NRXN1: variants seen among roughly 807,000 people sequenced by gnomAD.
The protein encoded by NRXN1 is neurexin-1.
A neutral mutation model predicts 150.9 loss-of-function variants in NRXN1; 39 were observed. That is an observed-to-expected ratio of 0.26 (90% CI 0.20 to 0.34). The LOEUF (loss-of-function observed/expected upper bound fraction) is 0.34, where lower values mean the gene tolerates loss of function less well. Among genes scored for constraint, NRXN1 ranks in the 10% least tolerant of loss-of-function variants. The pLI is 1.00. For missense variants in NRXN1, 1,815 were observed against 1,949.9 expected (o/e 0.93, Z 1.30); for synonymous variants, 924 against 757.0 (o/e 1.22, Z -3.62).
At chr2:50,585,876 T>A (rs1395010877) in intron 8 of NRXN1, among the ~76,000 whole-genome samples, 1 of 152,196 alleles carries the variant, frequency 6.6e-6, no homozygotes, top group Non-Finnish European at 1.5e-5. Flanking sequence ...ACTTGAGAAG[T>A]GCCAGCCTCC....
chr2:50,197,001 C>T (rs1170634119), intron 18 of NRXN1, among the ~76,000 whole-genome samples: 1 of 152,068 alleles, frequency 6.6e-6, no homozygotes, highest in Non-Finnish European at 1.5e-5. Flanking sequence ...TCCAAGAAAC[C>T]CCCATGGCTT....
chr2:50,111,138 G>C (rs1407028562), intron 18 of NRXN1, among the ~76,000 whole-genome samples: 2 of 152,238 alleles, frequency 1.3e-5, no homozygotes, highest in Admixed American at 6.5e-5. Flanking sequence ...CGAAAGAAAT[G>C]ATAATTTGCC....
intron 18 of NRXN1, among the ~76,000 whole-genome samples, chr2:50,096,322 T>C (rs1170821860): frequency 6.6e-6 from 1 of 152,202 alleles, no homozygotes; most frequent in Non-Finnish European, 1.5e-5. Context: ...GTATTTACTA[T>C]TTAATTCAGA....
At chr2:50,424,142 A>AG (rs1414205919) in intron 17 of NRXN1, among the ~76,000 whole-genome samples, 1 of 80,736 alleles carries the variant, frequency 1.2e-5, no homozygotes. Context: ...GAGGAGGAGG[A>AG]GGGGGGGAGG....
At position 50,983,815 on chromosome 2, in the gene NRXN1, A is replaced by G. The variant is rs141891448; in HGVS notation, c.772+43687T>C. 1.3e-4 allele frequency among the ~76,000 whole-genome samples: 20 copies of G among 152,214 alleles called. No homozygotes were observed. The East Asian group carries it at 3.9e-3, about 29-fold the overall frequency. ...CATAGTGACTTTCACCTTCTTCAAG[A>G]TACTTACTAGGAAGTATCTTAAAGG... On this transcript the variant is annotated intron_variant, in intron 2 of 22. Transcript: ENST00000401669.
chr2:50,375,804 A>G (rs2080446058), intron 17 of NRXN1, among the ~76,000 whole-genome samples: 1 of 151,992 alleles, frequency 6.6e-6, no homozygotes, highest in African/African-American at 2.4e-5. Flanking sequence ...AGAGGGCTCT[A>G]TGATACAAGA....
intron 17 of NRXN1, among the ~76,000 whole-genome samples, chr2:50,290,857 T>C (rs1369099038): frequency 6.6e-6 from 1 of 152,218 alleles, no homozygotes; most frequent in Non-Finnish European, 1.5e-5. Flanking sequence ...CTCTGCTGCA[T>C]GTGGCTGACA....
intron 18 of NRXN1, among the ~76,000 whole-genome samples, chr2:50,181,748 G>C (rs1224464088): frequency 6.6e-6 from 1 of 151,856 alleles, no homozygotes; most frequent in East Asian, 1.9e-4. Flanking sequence ...TTTCAATAAG[G>C]TTAATTTATC....
intron 21 of NRXN1, among the ~76,000 whole-genome samples, chr2:49,946,794 T>A (rs188898545): frequency 1.3e-3 from 203 of 152,248 alleles, no homozygotes; most frequent in African/African-American, 4.4e-3. Context: ...GGAGGCATCA[T>A]GCTACCTGAC....
intron 17 of NRXN1, among the ~76,000 whole-genome samples, chr2:50,329,676 T>TTC (rs2076701177): frequency 8.6e-5 from 3 of 34,800 alleles, no homozygotes; most frequent in Non-Finnish European, 5.7e-5. Flanking sequence ...TATATATATT[T>TTC]TTTTTTTTCC....
chr2:50,892,518 T>C (rs1333644995), intron 5 of NRXN1, among the ~76,000 whole-genome samples: 3 of 152,134 alleles, frequency 2.0e-5, no homozygotes. Context: ...ACAGAGGCAG[T>C]AATACTCAGA....
At chr2:50,923,025 A>G (rs1032412109) in intron 3 of NRXN1, among the ~76,000 whole-genome samples, 3 of 151,862 alleles carry the variant, frequency 2.0e-5, no homozygotes, top group Non-Finnish European at 4.4e-5. Flanking sequence ...ACTGTTTTGC[A>G]TATTGCCCCC....
chr2:50,433,473 C>T (rs1266697923), intron 17 of NRXN1, among the ~76,000 whole-genome samples: 1 of 151,888 alleles, frequency 6.6e-6, no homozygotes, highest in Non-Finnish European at 1.5e-5. Context: ...GGAAGATCTT[C>T]AGTGGAAGAA....
intron 18 of NRXN1, among the ~76,000 whole-genome samples, chr2:50,175,857 T>C (rs1393518092): frequency 2.0e-5 from 3 of 152,162 alleles, no homozygotes; most frequent in Non-Finnish European, 4.4e-5. Context: ...GATTTTCTTC[T>C]CATATTATGT....
intron 21 of NRXN1, among the ~76,000 whole-genome samples, chr2:50,028,477 G>C (rs1447741550): frequency 6.6e-6 from 1 of 152,154 alleles, no homozygotes; most frequent in East Asian, 1.9e-4. Flanking sequence ...TCCCTATAGA[G>C]AGAAAATCAA....
chr2:50,857,567 T>C (rs768424010), intron 5 of NRXN1, among the ~76,000 whole-genome samples: 3 of 152,104 alleles, frequency 2.0e-5, no homozygotes, highest in Non-Finnish European at 4.4e-5. Flanking sequence ...TCGAAGTATA[T>C]ACTCAGAGAT....
intron 8 of NRXN1, among the ~76,000 whole-genome samples, chr2:50,598,583 T>C (rs910822574): frequency 2.7e-5 from 4 of 149,246 alleles, no homozygotes; most frequent in African/African-American, 4.9e-5. Context: ...TGTGTGTATA[T>C]ATATGTATAT....
intron 18 of NRXN1, among the ~76,000 whole-genome samples, chr2:50,134,851 C>G (rs1266182798): frequency 6.6e-6 from 1 of 152,154 alleles, no homozygotes. Flanking sequence ...TTAGAAAATC[C>G]TGAAATAGCA....
rs564413598 is a variant in NRXN1 at position 49,992,713 on chromosome 2, G to A, written c.4129-48922C>T. Among the ~76,000 whole-genome samples, 464 of 152,038 alleles carry A rather than the reference G, an allele frequency of 3.1e-3. 2 individuals carry two copies. The highest frequency in any genetic ancestry group is 4.8e-3 in the Non-Finnish European group (326 of 67,982). On this transcript the variant is annotated intron_variant, in intron 21 of 22. Transcript: ENST00000401669. Reference sequence around the variant, plus strand: ...GTGATCCAAAATATACAAAGAACTCGTAAAACTCAACAATGATAAAACAAA... The same window carrying A: ...GTGATCCAAAATATACAAAGAACTCATAAAACTCAACAATGATAAAACAAA...
Sources: gnomAD v4.1 joint callset for allele counts (sites outside exome capture counted in the v4.1 genomes callset) on GRCh38, gnomAD v4.1.1 for gene constraint, MANE v1.5 for transcripts, NCBI Gene and HGNC (gene_info 2026-07-23, HGNC 2026-07-21) for gene names.